Variants in SFMBT2 observed in about 807,000 individuals in gnomAD.
The protein encoded by SFMBT2 is Scm like with four mbt domains 2, also known as scm-like with four MBT domains protein 2.
SFMBT2 carries 38 observed loss-of-function variants against 110.1 expected under a neutral mutation model. That is an observed-to-expected ratio of 0.35 (90% CI 0.27 to 0.45). The LOEUF (loss-of-function observed/expected upper bound fraction) is 0.45. SFMBT2 is among the 20% of genes least tolerant of loss of function. SFMBT2 has a pLI of 1.00. For synonymous variants in SFMBT2, 425 were observed against 425.4 expected (o/e 1.00, Z 0.01); for missense variants, 1,011 against 1,094.9 (o/e 0.92, Z 1.08).
chr10:7,341,531 T>C (rs1412203348), intron 4 of SFMBT2, among the ~76,000 whole-genome samples: 2 of 152,214 alleles, frequency 1.3e-5, no homozygotes, highest in East Asian at 1.9e-4. Flanking sequence ...TTTGAGGAGA[T>C]AGAAGAAGAT....
chr10:7,281,292 T>C (rs751270299), intron 6 of SFMBT2, among the ~76,000 whole-genome samples: 81 of 152,106 alleles, frequency 5.3e-4, no homozygotes, highest in Admixed American at 1.2e-3. Flanking sequence ...ATGATTATTT[T>C]TAACAATGGT....
rs909964746 is a variant in SFMBT2 at position 7,228,076 on chromosome 10, G to A, written c.1121-139C>T. 6.6e-6 allele frequency: 4 copies of A among 606,670 alleles called. No homozygotes were observed. The South Asian group carries it at 7.4e-5, about 11-fold the overall frequency. 37.6% of individuals were successfully genotyped at this position (606,670 alleles called of 1,614,324 possible). The stretch of plus-strand genomic sequence containing the variant: ...CCTAACAGCACTTCAGATTTCATAA[G>A]CTCAGATGAAATATTTTGGAAAAAT... On this transcript the variant is annotated intron_variant, in intron 9 of 20. Coordinates refer to ENST00000397167, the MANE Select transcript of SFMBT2 (RefSeq NM_001387889.1).
Position 7,171,380 on chromosome 10 carries a change from G to A in SFMBT2, c.2416-324C>T, listed in dbSNP as rs914519033. ...ATTAGAGAAAAGAGGAGAAATACAAGGGGCACGTCCAAGCAGACACGAGAC... is the reference window on the plus strand; with the variant it reads ...ATTAGAGAAAAGAGGAGAAATACAAAGGGCACGTCCAAGCAGACACGAGAC... On this transcript the variant is annotated intron_variant, in intron 19 of 20. Coordinates refer to ENST00000397167, the MANE Select transcript of SFMBT2 (RefSeq NM_001387889.1). This position sits in a 1 kb window ranked among gnomAD's most constrained non-coding sequence, Gnocchi z 4.9. The A allele has an allele frequency of 1.0e-6, 1 of 985,216 alleles. No homozygotes were observed. The highest frequency in any genetic ancestry group is 1.7e-5 in the African/African-American group (1 of 57,228). 61.0% of individuals were successfully genotyped at this position (985,216 alleles called of 1,614,324 possible).
intron 4 of SFMBT2, among the ~76,000 whole-genome samples, chr10:7,356,006 T>C (rs1472769414): frequency 6.6e-6 from 1 of 152,200 alleles, no homozygotes; most frequent in Non-Finnish European, 1.5e-5. Context: ...ACTCTGACAG[T>C]GGCAACACCA....
Position 7,202,614 on chromosome 10 carries a change from A to G in SFMBT2, c.1445-92T>C, listed in dbSNP as rs1838994605. On this transcript the variant is annotated intron_variant, in intron 12 of 20. Coordinates refer to ENST00000397167, the MANE Select transcript of SFMBT2 (RefSeq NM_001387889.1). ...TAGGTTATAAAGCAAAGAGGTACCC[A>G]TTTTAAAGTAGCAATTTAAATGCTG... is the stretch of plus-strand genomic sequence containing the variant. The G allele has an allele frequency of 1.9e-6, 3 of 1,595,766 alleles. No individual in the cohort carries two copies. The South Asian group carries it at 3.4e-5, about 18-fold the overall frequency.
chr10:7,204,897 TG>T (rs1839077782), intron 12 of SFMBT2: 1 of 984,296 alleles, frequency 1.0e-6, no homozygotes, highest in African/African-American at 1.7e-5. Context: ...ATTTTTTTTT[TG>T]CATGTATTTA....
chr10:7,287,372 C>T (rs1411749402), intron 4 of SFMBT2: 2 of 243,904 alleles, frequency 8.2e-6, no homozygotes, highest in Admixed American at 6.5e-5. Flanking sequence ...AGCCACCGCA[C>T]CCGGCCAAGG....
intron 15 of SFMBT2, among the ~76,000 whole-genome samples, chr10:7,197,235 G>C (rs952328251): frequency 3.3e-5 from 5 of 151,950 alleles, no homozygotes; most frequent in Admixed American, 3.3e-4. Flanking sequence ...CCAGTCCTAG[G>C]CCCTCACTCC....
chr10:7,240,927 G>A (rs1016753474), intron 9 of SFMBT2, among the ~76,000 whole-genome samples: 6 of 152,044 alleles, frequency 3.9e-5, no homozygotes, highest in Admixed American at 2.0e-4. Flanking sequence ...CCACATTCTT[G>A]AATGATATGG....
chr10:7,393,560 G>GA, intron 1 of SFMBT2, among the ~76,000 whole-genome samples: 1 of 152,286 alleles, frequency 6.6e-6, no homozygotes, highest in Admixed American at 6.5e-5. Flanking sequence ...GAACATACCT[G>GA]AAAGTGCACA....
intron 4 of SFMBT2, among the ~76,000 whole-genome samples, chr10:7,306,971 G>T (rs1171087072): frequency 6.6e-6 from 1 of 152,176 alleles, no homozygotes; most frequent in Non-Finnish European, 1.5e-5. Context: ...AAGCATCCCT[G>T]ATAACCATGG....
intron 11 of SFMBT2, among the ~76,000 whole-genome samples, chr10:7,214,404 A>G (rs925174520): frequency 6.6e-6 from 1 of 152,264 alleles, no homozygotes; most frequent in African/African-American, 2.4e-5. Context: ...GCATGAGTTC[A>G]GAGAACTAAC....
intron 4 of SFMBT2, among the ~76,000 whole-genome samples, chr10:7,289,023 C>G (rs139268338): frequency 1.3e-5 from 2 of 151,708 alleles, no homozygotes; most frequent in African/African-American, 4.8e-5. Flanking sequence ...GAAACAGCCT[C>G]AAGCCCCCAG....
intron 13 of SFMBT2, among the ~76,000 whole-genome samples, chr10:7,202,104 A>G (rs1838973390): frequency 6.6e-6 from 1 of 152,190 alleles, no homozygotes; most frequent in Non-Finnish European, 1.5e-5. Context: ...GTGAGTAAGC[A>G]GCAGCATTCT....
intron 4 of SFMBT2, among the ~76,000 whole-genome samples, chr10:7,312,186 C>T (rs1842876367): frequency 6.6e-6 from 1 of 152,056 alleles, no homozygotes; most frequent in African/African-American, 2.4e-5. Context: ...TGTAACAAAC[C>T]TGCACATTGT....
chr10:7,357,645 A>C (rs607439), intron 4 of SFMBT2, among the ~76,000 whole-genome samples: 120,352 of 152,208 alleles, frequency 0.79, 48,269 homozygotes, highest in African/African-American at 0.92. Flanking sequence ...GTCTATTTCT[A>C]TGGAAAACCC....
intron 4 of SFMBT2, 50 bp from the exon 5 acceptor site, chr10:7,286,004 T>TC (rs1842076611): frequency 2.4e-6 from 2 of 825,632 alleles, no homozygotes; most frequent in Non-Finnish European, 4.3e-6. Flanking sequence ...AAAAAACACT[T>TC]CAACACAGCA....
chr10:7,184,841 G>A (rs554102385), intron 16 of SFMBT2, among the ~76,000 whole-genome samples: 1 of 152,118 alleles, frequency 6.6e-6, no homozygotes, highest in Non-Finnish European at 1.5e-5. Context: ...GGAAGGAAAT[G>A]GTGACTCTGA....
chr10:7,367,554 G>T lies in SFMBT2; in HGVS notation c.436+95C>A, dbSNP rs191489831. On this transcript the variant is annotated intron_variant, in intron 4 of 20. Transcript: ENST00000397167. This position sits in a 1 kb window ranked among gnomAD's most constrained non-coding sequence, Gnocchi z 6.2. ...GAGACCTTTGCACTAAGACCATTAG[G>T]GATTCTACGCAAGGTTCTCTCTGCT... 4.0e-6 allele frequency: 6 copies of T among 1,517,016 alleles called. No individual in the cohort carries two copies. The highest frequency in any genetic ancestry group is 5.3e-6 in the Non-Finnish European group (6 of 1,137,160). 94.0% of individuals were successfully genotyped at this position (1,517,016 alleles called of 1,614,324 possible). A position where few individuals can be genotyped will look rare whatever the true frequency, so the allele number is the denominator to read the frequency against.
Sources: gnomAD v4.1 joint callset for allele counts (sites outside exome capture counted in the v4.1 genomes callset) on GRCh38, gnomAD v4.1.1 for gene constraint, Gnocchi (gnomAD v3.1) non-coding constraint, MANE v1.5 for transcripts, NCBI Gene and HGNC (gene_info 2026-07-23, HGNC 2026-07-21) for gene names.